Variants in KLHDC4 observed in about 807,000 individuals in gnomAD.
KLHDC4 encodes the protein kelch domain containing 4, also known as kelch domain-containing protein 4.
KLHDC4 carries 90 observed loss-of-function variants against 62.4 expected under a neutral mutation model. The ratio of observed to expected loss-of-function variants is 1.44; its 90% confidence interval spans 1.22 to 1.72. KLHDC4 has a LOEUF of 1.72. KLHDC4 is among the 40% of genes most tolerant of loss of function. The pLI, the probability that KLHDC4 is intolerant of heterozygous loss-of-function variation, is 0.00. For missense variants in KLHDC4, 1,025 were observed against 699.7 expected, an observed-to-expected ratio of 1.47 and a Z score of -5.25; for synonymous variants, 386 against 284.4, an observed-to-expected ratio of 1.36 and a Z score of -3.59.
intron 5 of KLHDC4, among the ~76,000 whole-genome samples, chr16:87,744,267 T>C (rs1235020390): frequency 2.0e-5 from 3 of 152,000 alleles, no homozygotes; most frequent in Non-Finnish European, 4.4e-5. Flanking sequence ...AGTACAAAAT[T>C]AGCCGGGCAT....
chr16:87,708,660 G>C (rs1428252857), intron 10 of KLHDC4, 194 bp from the exon 11 acceptor site: 2 of 426,464 alleles, frequency 4.7e-6, no homozygotes, highest in African/African-American at 4.0e-5. Context: ...CTTCAGGACA[G>C]AGATCCGAGA....
downstream of KLHDC4, among the ~76,000 whole-genome samples, chr16:87,705,883 G>T (rs9937123): frequency 1.4e-4 from 22 of 152,324 alleles, no homozygotes; most frequent in African/African-American, 5.3e-4. Context: ...AGAGTGTGAG[G>T]AAAGGACCTT....
rs1404689775 is a variant in KLHDC4, at chr16:87,707,936, C to T, written c.*141G>A. On this transcript the variant is annotated 3_prime_UTR_variant, in exon 12 of 12. Coordinates refer to ENST00000270583, the MANE Select transcript of KLHDC4 (RefSeq NM_017566.4). ...AGACTAAACCATGGGAGAAAGTTCA[C>T]ACCCTGGCCTGGGCCACCCACCTTC... The T allele has an allele frequency of 6.5e-6, 3 of 464,594 alleles. No homozygotes were observed. The highest frequency in any genetic ancestry group is 1.3e-5 in the Non-Finnish European group (3 of 232,518). The allele number at this position is 464,594 out of a possible 1,614,324, so 28.8% of individuals were successfully genotyped here.
intron 2 of KLHDC4, among the ~76,000 whole-genome samples, chr16:87,758,602 T>C (rs1567831023): frequency 6.6e-6 from 1 of 152,086 alleles, no homozygotes; most frequent in Non-Finnish European, 1.5e-5. Context: ...TCTTTTGGCT[T>C]CCCTGGGCTA....
rs776431734 is a variant in KLHDC4 at position 87,761,965 on chromosome 16, G to T, written c.175C>A (p.Pro59Thr). 5.6e-6 allele frequency: 9 copies of T among 1,613,610 alleles called. No homozygotes were observed. The East Asian group carries it at 1.1e-4, about 20-fold the overall frequency. The change falls in exon 2 of 12, where the codon CCC (proline) becomes ACC (threonine). Residue 59 changes from proline to threonine, a missense_variant. Coordinates refer to ENST00000270583, the MANE Select transcript of KLHDC4 (RefSeq NM_017566.4). The part of the protein sequence containing the change: ...KRTQTVELPC[P>T]PPSPRLNASL... Reference sequence around the variant, plus strand: ...CTTGCTCACCTTGGTGAGGGTGGGGGGCACGGAAGTTCCACAGTCTGAGTC... The same window carrying T: ...CTTGCTCACCTTGGTGAGGGTGGGGTGCACGGAAGTTCCACAGTCTGAGTC...
chr16:87,765,980 G>C lies in KLHDC4; in HGVS notation c.-90C>G, dbSNP rs1468333229. On this transcript the variant is annotated 5_prime_UTR_variant, in exon 1 of 12. Transcript: ENST00000270583. ...AACAGGTGCTCGTGGGGCGGAGCTC[G>C]GCGCACAGAAATGGAGTCACTTCCG... 6 of 1,327,484 alleles carry C rather than the reference G, an allele frequency of 4.5e-6. No homozygotes were observed. The African/African-American group carries it at 8.7e-5, about 19-fold the overall frequency. The allele number at this position is 1,327,484 out of a possible 1,614,324, so 82.2% of individuals were successfully genotyped here.
intron 7 of KLHDC4, among the ~76,000 whole-genome samples, chr16:87,716,797 T>G (rs1218987832): frequency 6.6e-6 from 1 of 152,106 alleles, no homozygotes; most frequent in African/African-American, 2.4e-5. Flanking sequence ...CCAGGCACAG[T>G]GGCAGGCGCC....
At chr16:87,723,945 T>C (rs566274514) in intron 7 of KLHDC4, among the ~76,000 whole-genome samples, 54 of 152,348 alleles carry the variant, frequency 3.5e-4, no homozygotes, top group African/African-American at 1.3e-3. Context: ...CAAGTGATTC[T>C]CCTATCTCAG....
In KLHDC4 at chr16:87,714,431, G is replaced by T. The variant is rs984268320; in HGVS notation, c.835+67C>A. ...CCGCCAGCCCCACATCCATGGGAGG[G>T]TGTGGGCTCTGCCTCCCGCCACACA... is the stretch of plus-strand genomic sequence containing the variant. On this transcript the variant is annotated intron_variant, in intron 8 of 11. Transcript: ENST00000270583. 11 of 1,595,990 alleles carry T rather than the reference G, an allele frequency of 6.9e-6. No individual in the cohort carries two copies. In the African/African-American group the frequency reaches 1.3e-4, roughly 19 times the overall value.
At chr16:87,739,574 C>G (rs942159791) in intron 5 of KLHDC4, among the ~76,000 whole-genome samples, 1 of 141,122 alleles carries the variant, frequency 7.1e-6, no homozygotes, top group Non-Finnish European at 1.5e-5. Context: ...CACACCAGCA[C>G]GTCATCCATC....
chr16:87,755,262 T>A lies in KLHDC4; in HGVS notation c.301A>T (p.Asn101Tyr). Residue 101 changes from asparagine (N) to tyrosine (Y), a missense_variant, in exon 4 of 12, where the codon AAT becomes TAT. Physicochemically the swap from Asn to Tyr is moderately radical, Grantham distance 143. Transcript: ENST00000270583. ...TTGGTCCAGGTGTCCTTTCTGGTAT[T>A]GTAGACATAGAGCTCGTTATACAAA... Reference protein sequence around the residue: ...TFLYNELYVYNTRKDTWTKVD... With the variant: ...TFLYNELYVYYTRKDTWTKVD... 6.2e-7 allele frequency: 1 copy of A among 1,607,524 alleles called. No individual in the cohort carries two copies. The highest frequency in any genetic ancestry group is 2.2e-5 in the East Asian group (1 of 44,826).
intron 9 of KLHDC4, 96 bp from the exon 10 acceptor site, chr16:87,709,763 CA>C: frequency 7.3e-7 from 1 of 1,370,410 alleles, no homozygotes; most frequent in Non-Finnish European, 9.7e-7. Flanking sequence ...TTGCGGGGAC[CA>C]CCCACAAGCG....
In KLHDC4 at chr16:87,748,653, C is replaced by G; in HGVS notation, c.506+20G>C. 6.2e-7 allele frequency: 1 copy of G among 1,613,552 alleles called. No individual in the cohort carries two copies. The highest frequency in any genetic ancestry group is 1.1e-5 in the South Asian group (1 of 91,022). ...CAGAAGAGCCATGCCCGGAGCTCAG[C>G]TTCTCATCTGGCTTCTTACTTGACT... is the stretch of plus-strand genomic sequence containing the variant. On this transcript the variant is annotated intron_variant, in intron 5 of 11. Transcript: ENST00000270583.
intron 5 of KLHDC4, among the ~76,000 whole-genome samples, chr16:87,748,423 G>A (rs1187865280): frequency 1.3e-5 from 2 of 152,186 alleles, no homozygotes; most frequent in Non-Finnish European, 2.9e-5. Context: ...GCGAGAGGCT[G>A]GTGGCCAACA....
chr16:87,702,632 G>A (rs534241781), upstream of KLHDC4: 51 of 232,780 alleles, frequency 2.2e-4, no homozygotes, highest in Non-Finnish European at 4.0e-4. Context: ...CCCAGAGCCC[G>A]GCGGAGAAAA....
At chr16:87,753,970 CAAAAAAA>C (rs71230728) in intron 4 of KLHDC4, among the ~76,000 whole-genome samples, 1 of 63,284 alleles carries the variant, frequency 1.6e-5, no homozygotes, top group East Asian at 4.3e-4. Context: ...GACACCATCT[CAAAAAAA>C]AAAAAAAAAA....
downstream of KLHDC4, among the ~76,000 whole-genome samples, chr16:87,706,467 G>A (rs1326563786): frequency 1.3e-5 from 2 of 152,042 alleles, no homozygotes; most frequent in Admixed American, 6.5e-5. Context: ...GCAAACACAA[G>A]CTGCAGCCCT....
At chr16:87,701,230 CG>C in exon 1 of KLHDC4, 1 of 228,510 alleles carries the variant, frequency 4.4e-6, no homozygotes. Context: ...TGAGCAGAGG[CG>C]GGGGCTGGCA....
intron 9 of KLHDC4, chr16:87,711,015 G>A: frequency 3.7e-6 from 2 of 545,734 alleles, no homozygotes; most frequent in South Asian, 2.5e-5. Flanking sequence ...TTCTGAGGTA[G>A]CAGCCCCGCC....
Sources: gnomAD v4.1 joint callset for allele counts (sites outside exome capture counted in the v4.1 genomes callset) on GRCh38, gnomAD v4.1.1 for gene constraint, MANE v1.5 for transcripts, NCBI Gene and HGNC (gene_info 2026-07-23, HGNC 2026-07-21) for gene names.